DNAJA1: variants seen among roughly 807,000 people sequenced by gnomAD.
DNAJA1 encodes the protein dnaJ homolog subfamily A member 1.
A neutral mutation model predicts 47.6 loss-of-function variants in DNAJA1; 26 were observed. The ratio of observed to expected loss-of-function variants is 0.55; its 90% confidence interval spans 0.40 to 0.76. The LOEUF (loss-of-function observed/expected upper bound fraction) is 0.76. Ranked by LOEUF, DNAJA1 falls within the 30% of genes least tolerant of loss-of-function variation. The pLI is 0.00. For synonymous variants in DNAJA1, 165 were observed against 158.4 expected, an observed-to-expected ratio of 1.04 and a Z score of -0.31; for missense variants, 315 against 485.0, an observed-to-expected ratio of 0.65 and a Z score of 3.29.
intron 6 of DNAJA1, among the ~76,000 whole-genome samples, chr9:33,035,669 A>G (rs965609620): frequency 5.3e-5 from 8 of 151,696 alleles, no homozygotes; most frequent in African/African-American, 1.9e-4. Context: ...GGGTTTCACC[A>G]TGTTGGCCAG....
At chr9:33,034,560 G>T (rs1429079836) in intron 6 of DNAJA1, among the ~76,000 whole-genome samples, 1 of 152,102 alleles carries the variant, frequency 6.6e-6, no homozygotes, top group Non-Finnish European at 1.5e-5. Flanking sequence ...TAGATGTTTT[G>T]TGTGAACCTA....
intron 6 of DNAJA1, chr9:33,036,369 G>T: frequency 3.0e-6 from 1 of 337,106 alleles, no homozygotes; most frequent in Non-Finnish European, 5.5e-6. Flanking sequence ...GAATGACTTT[G>T]AATCCTTAAC....
intron 6 of DNAJA1, 65 bp from the exon 7 acceptor site, chr9:33,036,509 C>G: frequency 9.6e-7 from 1 of 1,041,350 alleles, no homozygotes; most frequent in Admixed American, 2.5e-5. Context: ...AAAAAAACAG[C>G]CTGCTTTGGT....
intron 6 of DNAJA1, among the ~76,000 whole-genome samples, chr9:33,035,671 G>C (rs7867887): frequency 5.1e-4 from 77 of 151,850 alleles, no homozygotes; most frequent in African/African-American, 1.9e-3. Flanking sequence ...GTTTCACCAT[G>C]TTGGCCAGGC....
intron 5 of DNAJA1, among the ~76,000 whole-genome samples, chr9:33,031,357 A>G (rs994788829): frequency 2.0e-5 from 3 of 152,194 alleles, no homozygotes; most frequent in African/African-American, 7.2e-5. Flanking sequence ...TCGGCCTCCC[A>G]AAGTGCTGGG....
At chr9:33,029,386 A>T (rs1271170783) in intron 3 of DNAJA1, among the ~76,000 whole-genome samples, 1 of 152,090 alleles carries the variant, frequency 6.6e-6, no homozygotes, top group Non-Finnish European at 1.5e-5. Flanking sequence ...AGAAATTGAT[A>T]CTCTTCTGTG....
rs763727815 is a variant in DNAJA1 at position 33,036,653 on chromosome 9, C to G, written c.838C>G (p.Leu280Val). ...TGGCTTCCAGAAGCCAATATCTACT[C>G]TTGACAACCGAACCATCGTCATCAC... ...LCGFQKPIST[L>V]DNRTIVITSH... Residue 280 changes from leucine to valine, a missense_variant, in exon 7 of 9, where the codon CTT becomes GTT. By Grantham distance (32) the Leu-to-Val change is conservative. Coordinates refer to ENST00000330899, the MANE Select transcript of DNAJA1 (RefSeq NM_001539.4). 1 of 1,614,018 alleles carries G rather than the reference C, an allele frequency of 6.2e-7. No homozygotes were observed. The highest frequency in any genetic ancestry group is 8.5e-7 in the Non-Finnish European group (1 of 1,179,946).
chr9:33,038,298 T>A (rs1335605991), intron 8 of DNAJA1, among the ~76,000 whole-genome samples: 1 of 152,202 alleles, frequency 6.6e-6, no homozygotes, highest in African/African-American at 2.4e-5. Context: ...CCACCGCGCC[T>A]GGCCTAAAAA....
chr9:33,029,548 T>A (rs1004478918), intron 3 of DNAJA1, among the ~76,000 whole-genome samples: 2 of 152,250 alleles, frequency 1.3e-5, no homozygotes, highest in Admixed American at 1.3e-4. Context: ...AAATGAATGT[T>A]TGGATTATTG....
Position 33,038,869 on chromosome 9 carries a change from ATCCCAG to A in DNAJA1, c.1161_1166del (p.His387_Arg389delinsGln), listed in dbSNP as rs1217555573. The A allele has an allele frequency of 6.2e-7, 1 of 1,613,650 alleles. No homozygotes were observed. ...GAAGCATATGAGGATGATGAACATC[ATCCCAG>A]AGGTGGTGTTCAGTGTCAGACCTCT... is the stretch of plus-strand genomic sequence containing the variant. On this transcript the variant is annotated inframe_deletion, in exon 9 of 9. Coordinates refer to ENST00000330899, the MANE Select transcript of DNAJA1 (RefSeq NM_001539.4).
intron 5 of DNAJA1, among the ~76,000 whole-genome samples, chr9:33,033,680 A>G (rs1838994788): frequency 6.6e-6 from 1 of 152,228 alleles, no homozygotes; most frequent in African/African-American, 2.4e-5. Context: ...ACAGAGCAAG[A>G]TCCTATCTCA....
intron 5 of DNAJA1, among the ~76,000 whole-genome samples, 155 bp from the exon 6 acceptor site, chr9:33,034,061 T>C (rs1218364744): frequency 1.3e-5 from 2 of 152,252 alleles, no homozygotes; most frequent in African/African-American, 4.8e-5. Flanking sequence ...CTATGATACC[T>C]TTCTTCAGGA....
intron 1 of DNAJA1, 58 bp from the exon 2 acceptor site, chr9:33,026,417 C>CT (rs1838852340): frequency 1.9e-6 from 3 of 1,565,230 alleles, no homozygotes; most frequent in Admixed American, 4.3e-5. Flanking sequence ...CCTTAGCTCT[C>CT]TTTTTTATTA....
chr9:33,028,799 A>G (rs1476874263), intron 3 of DNAJA1, among the ~76,000 whole-genome samples: 3 of 152,240 alleles, frequency 2.0e-5, no homozygotes, highest in African/African-American at 7.2e-5. Flanking sequence ...TGTTCAAAAT[A>G]AGGGCAGCTA....
At chr9:33,031,502 G>T (rs1273184021) in intron 5 of DNAJA1, among the ~76,000 whole-genome samples, 1 of 152,040 alleles carries the variant, frequency 6.6e-6, no homozygotes, top group African/African-American at 2.4e-5. Context: ...TGCGATCTTG[G>T]CTCACTCTAA....
chr9:33,035,571 G>A (rs1306694676), intron 6 of DNAJA1, among the ~76,000 whole-genome samples: 2 of 152,122 alleles, frequency 1.3e-5, no homozygotes, highest in African/African-American at 4.8e-5. Context: ...CCAGGTTCAA[G>A]CAATTCTCTC....
Position 33,026,460 on chromosome 9 carries a change from A to G in DNAJA1, c.-10-15A>G, listed in dbSNP as rs770498600. 7 of 1,595,522 alleles carry G rather than the reference A, an allele frequency of 4.4e-6. No homozygotes were observed. The highest frequency in any genetic ancestry group is 2.3e-5 in the East Asian group (1 of 44,384). ...CCAGTTGAAAGCCGGTTAAAGTTGC[A>G]TTTTCTTATTTCAGGCAGTAGAAGA... On this transcript the variant is annotated splice_polypyrimidine_tract_variant and intron_variant, in intron 1 of 8. Transcript: ENST00000330899.
At chr9:33,025,406 C>T (rs953053061) in intron 1 of DNAJA1, 23 bp downstream of exon 1, 2 of 152,386 alleles carry the variant, frequency 1.3e-5, no homozygotes, top group African/African-American at 2.4e-5. Flanking sequence ...CCTCGCGCTG[C>T]CCCTAGTCCC....
At chr9:33,031,270 G>A (rs1366118041) in intron 5 of DNAJA1, among the ~76,000 whole-genome samples, 1 of 152,124 alleles carries the variant, frequency 6.6e-6, no homozygotes, top group Non-Finnish European at 1.5e-5. Context: ...CTAATGTTTT[G>A]TATTTTTAGT....
Sources: gnomAD v4.1 joint callset for allele counts (sites outside exome capture counted in the v4.1 genomes callset) on GRCh38, gnomAD v4.1.1 for gene constraint, MANE v1.5 for transcripts, NCBI Gene and HGNC (gene_info 2026-07-23, HGNC 2026-07-21) for gene names.